Variants in TFCP2L1 observed in about 807,000 individuals in gnomAD.
The protein encoded by TFCP2L1 is transcription factor CP2 like 1, also known as transcription factor CP2-like protein 1.
TFCP2L1 carries 12 observed loss-of-function variants against 72.2 expected under a neutral mutation model. That is an observed-to-expected ratio of 0.17 (90% CI 0.11 to 0.27). The LOEUF is 0.27. Ranked by LOEUF, TFCP2L1 falls within the 10% of genes least tolerant of loss-of-function variation. The pLI, the probability that TFCP2L1 is intolerant of heterozygous loss-of-function variation, is 1.00. For missense variants in TFCP2L1, 488 were observed against 624.6 expected (o/e 0.78, Z 2.33); for synonymous variants, 260 against 251.0 (o/e 1.04, Z -0.34).
intron 6 of TFCP2L1, among the ~76,000 whole-genome samples, chr2:121,246,099 C>T (rs933360187): frequency 7.9e-5 from 12 of 152,188 alleles, no homozygotes; most frequent in African/African-American, 2.9e-4. Context: ...ACAGGGCCTA[C>T]AGGGGCTGGG....
chr2:121,241,190 G>T (rs1313611990), intron 7 of TFCP2L1, among the ~76,000 whole-genome samples: 1 of 152,204 alleles, frequency 6.6e-6, no homozygotes, highest in Non-Finnish European at 1.5e-5. Flanking sequence ...GGCACTAGCT[G>T]CAACTCGTAA....
Position 121,237,611 on chromosome 2 carries a change from G to T in TFCP2L1, c.1003+12C>A. ...TACTCATGGGCTTTAAACACAGTTC[G>T]GAGATGCTCACCTGAGAAGCTGGCA... On this transcript the variant is annotated intron_variant, in intron 10 of 14. Transcript: ENST00000263707. 6.2e-7 allele frequency: 1 copy of T among 1,613,998 alleles called. No homozygotes were observed. The highest frequency in any genetic ancestry group is 8.5e-7 in the Non-Finnish European group (1 of 1,179,984).
chr2:121,241,046 G>A (rs1468965499), intron 7 of TFCP2L1, among the ~76,000 whole-genome samples: 1 of 152,186 alleles, frequency 6.6e-6, no homozygotes, highest in African/African-American at 2.4e-5. Flanking sequence ...ACCACGGCCG[G>A]CAGGGGCCTT....
In TFCP2L1 at chr2:121,223,334, C is replaced by T. The variant is rs1685962081; in HGVS notation, c.*1007G>A. ...ACCCATTCTGATGCAGGCAAAATAT[C>T]CTAAACATAGCCTCTACAAACAAAG... On this transcript the variant is annotated 3_prime_UTR_variant, in exon 15 of 15. Coordinates refer to ENST00000263707, the MANE Select transcript of TFCP2L1 (RefSeq NM_014553.3). 1 of 152,134 alleles carries T rather than the reference C, an allele frequency of 6.6e-6. No individual in the cohort carries two copies. Among genetic ancestry groups the T allele is most frequent in the African/African-American group, 2.4e-5 (1 of 41,428 alleles). The allele number at this position is 152,134 out of a possible 1,614,324, so 9.4% of individuals were successfully genotyped here. A position where few individuals can be genotyped will look rare whatever the true frequency, so the allele number is the denominator to read the frequency against.
chr2:121,261,841 C>T (rs1323277858), intron 2 of TFCP2L1, among the ~76,000 whole-genome samples: 2 of 152,198 alleles, frequency 1.3e-5, no homozygotes, highest in Non-Finnish European at 2.9e-5. Context: ...ACCTGGCAGA[C>T]ACTACCCTAA....
rs367832669 is a variant in TFCP2L1, at chr2:121,242,474, G to A, written c.658-5C>T. ...TTTCCGATCGGCTCCCTTCGGCTGC[G>A]AGCAGAGTACAGAGTCCAATCAGCC... On this transcript the variant is annotated splice_polypyrimidine_tract_variant and splice_region_variant and intron_variant, in intron 6 of 14. Coordinates refer to ENST00000263707, the MANE Select transcript of TFCP2L1 (RefSeq NM_014553.3). 19 of 1,613,520 alleles carry A rather than the reference G, an allele frequency of 1.2e-5. No homozygotes were observed. Among genetic ancestry groups the A allele is most frequent in the East Asian group, 4.5e-5 (2 of 44,884 alleles).
chr2:121,280,700 G>A (rs1309021833), intron 2 of TFCP2L1, among the ~76,000 whole-genome samples: 10 of 150,436 alleles, frequency 6.6e-5, no homozygotes, highest in Admixed American at 6.6e-4. Context: ...GGAGGTCAAG[G>A]GTGCAGTGAG....
At chr2:121,259,338 GA>G (rs1235871548) in intron 2 of TFCP2L1, among the ~76,000 whole-genome samples, 1 of 151,670 alleles carries the variant, frequency 6.6e-6, no homozygotes, top group African/African-American at 2.4e-5. Context: ...ATTCAGCGAG[GA>G]AAAAATATAT....
Position 121,246,978 on chromosome 2 carries a change from G to T in TFCP2L1, c.505-8C>A, listed in dbSNP as rs374313588. ...TGTGCTGATGCAGTGTACCTGGGAG[G>T]AGAAACGTTGGGCAGGTGGCAAGGA... On this transcript the variant is annotated splice_polypyrimidine_tract_variant and splice_region_variant and intron_variant, in intron 5 of 14. Transcript: ENST00000263707. The T allele has an allele frequency of 3.8e-4, 612 of 1,614,030 alleles. 10 individuals are homozygous for T. The South Asian group carries it at 6.4e-3, about 17-fold the overall frequency.
chr2:121,237,532 G>T, intron 10 of TFCP2L1, 91 bp downstream of exon 10: 1 of 1,419,358 alleles, frequency 7.0e-7, no homozygotes. Flanking sequence ...CGACAGCGCT[G>T]CCAGTGTTGA....
intron 1 of TFCP2L1, among the ~76,000 whole-genome samples, chr2:121,282,565 T>A (rs575542059): frequency 1.2e-4 from 18 of 151,354 alleles, no homozygotes; most frequent in Middle Eastern, 3.5e-3. Context: ...CCCAGCATTT[T>A]AAAAATGCCC....
chr2:121,257,544 A>C (rs1686752787), intron 2 of TFCP2L1, among the ~76,000 whole-genome samples: 1 of 152,204 alleles, frequency 6.6e-6, no homozygotes, highest in African/African-American at 2.4e-5. Flanking sequence ...GCCAGATAAA[A>C]TACACAAGTG....
At chr2:121,271,949 G>A (rs1168404662) in intron 2 of TFCP2L1, among the ~76,000 whole-genome samples, 2 of 152,114 alleles carry the variant, frequency 1.3e-5, no homozygotes, top group East Asian at 3.9e-4. Context: ...TCTCCAAGGA[G>A]GCATTTTCTC....
Position 121,225,598 on chromosome 2 carries a change from G to C in TFCP2L1, c.1357C>G (p.Gln453Glu). 1 of 1,614,106 alleles carries C rather than the reference G, an allele frequency of 6.2e-7. No individual in the cohort carries two copies. The highest frequency in any genetic ancestry group is 1.1e-5 in the South Asian group (1 of 91,078). ...VVSNEMVQNF[Q>E]DESCFVLSTI... ...CTGAGGACAAAACAGGATTCATCTT[G>C]GAAGTTCTGCACCATCTGAGAGACA... is the stretch of plus-strand genomic sequence containing the variant. Residue 453 changes from glutamine to glutamate, a missense_variant, in exon 14 of 15, where the codon CAA becomes GAA. Gln to Glu is a conservative substitution (Grantham distance 29). This residue lies in a region of TFCP2L1 where 286 missense variants were observed against 329.0 expected (regional missense o/e 0.87). Coordinates refer to ENST00000263707, the MANE Select transcript of TFCP2L1 (RefSeq NM_014553.3).
chr2:121,267,499 C>CTT (rs113957775), intron 2 of TFCP2L1, among the ~76,000 whole-genome samples: 11,145 of 143,086 alleles, frequency 0.078, 834 homozygotes, highest in African/African-American at 0.2. Context: ...CATTAAAAAT[C>CTT]TTTTTTTTTT....
At chr2:121,249,432 T>C (rs1686559433) in intron 3 of TFCP2L1, 139 bp downstream of exon 3, 2 of 735,998 alleles carry the variant, frequency 2.7e-6, no homozygotes, top group South Asian at 1.8e-5. Flanking sequence ...AGGGGCTGCG[T>C]CTCACCGTTG....
chr2:121,247,021 C>T (rs979931855), intron 5 of TFCP2L1, 51 bp from the exon 6 acceptor site: 9 of 1,604,620 alleles, frequency 5.6e-6, no homozygotes, highest in Non-Finnish European at 6.8e-6. Context: ...AGCAGGGTGC[C>T]CCTGGATCCC....
At chr2:121,252,119 G>C (rs1686625585) in intron 2 of TFCP2L1, among the ~76,000 whole-genome samples, 1 of 152,150 alleles carries the variant, frequency 6.6e-6, no homozygotes, top group South Asian at 2.1e-4. Flanking sequence ...GCACAATCAA[G>C]ACTCACTGCA....
intron 12 of TFCP2L1, among the ~76,000 whole-genome samples, chr2:121,232,444 G>T (rs1008754112): frequency 9.2e-5 from 14 of 152,098 alleles, no homozygotes; most frequent in Non-Finnish European, 1.9e-4. Context: ...CAGCCAGGCT[G>T]CCACTCTTGA....
Sources: gnomAD v4.1 joint callset for allele counts (sites outside exome capture counted in the v4.1 genomes callset) on GRCh38, gnomAD v4.1.1 for gene constraint, gnomAD v4.1.1 regional missense constraint, MANE v1.5 for transcripts, NCBI Gene and HGNC (gene_info 2026-07-23, HGNC 2026-07-21) for gene names.